The following PCNA variants were observed in gnomAD, a reference collection of about 807,000 sequenced individuals.
The protein encoded by PCNA is proliferating cell nuclear antigen.
In PCNA, 4 loss-of-function variants were observed where a neutral mutation model predicts 27.8. The ratio of observed to expected loss-of-function variants is 0.14; its 90% CI spans 0.07 to 0.33. The LOEUF (loss-of-function observed/expected upper bound fraction) is 0.33. Among genes scored for constraint, PCNA ranks in the 10% least tolerant of loss-of-function variants. The pLI, the probability that PCNA is intolerant of heterozygous loss-of-function variation, is 1.00. For synonymous variants in PCNA, 121 were observed against 119.4 expected (o/e 1.01, Z -0.09); for missense variants, 165 against 327.4 (o/e 0.50, Z 3.83).
At chr20:5,123,304 C>CT (rs1399663383), upstream of PCNA, among the ~76,000 whole-genome samples, 2 of 152,144 alleles carry the variant, frequency 1.3e-5, no homozygotes, top group African/African-American at 4.8e-5. Context: ...AGTGGCTACT[C>CT]TAACATCTAG....
At chr20:5,123,600 C>T (rs1380267489), upstream of PCNA, among the ~76,000 whole-genome samples, 5 of 151,050 alleles carry the variant, frequency 3.3e-5, no homozygotes, top group Admixed American at 2.0e-4. Context: ...GAGGCTGACG[C>T]AGGAGAATTG....
chr20:5,120,583 A>G (rs1257801341), upstream of PCNA, among the ~76,000 whole-genome samples: 3 of 151,946 alleles, frequency 2.0e-5, no homozygotes, highest in South Asian at 2.1e-4. Context: ...TTCCGTAAAC[A>G]CTTGGAAAAG....
intron 2 of PCNA, 36 bp from the exon 3 acceptor site, chr20:5,118,713 G>A: frequency 8.7e-6 from 14 of 1,607,240 alleles, no homozygotes; most frequent in Non-Finnish European, 1.2e-5. Flanking sequence ...GAGAAATACT[G>A]ACACAGAGTT....
Position 5,119,560 on chromosome 20 carries a change from C to A in PCNA, c.221+18G>T. ...TGCAGGCGGGCCGGGGCCGGCTTCCCGGGGCCGCGAGGCTCACCTGGTGAG... is the reference window on the plus strand; with the variant it reads ...TGCAGGCGGGCCGGGGCCGGCTTCCAGGGGCCGCGAGGCTCACCTGGTGAG... On this transcript the variant is annotated intron_variant, in intron 1 of 5. Coordinates refer to ENST00000379143, the MANE Select transcript of PCNA (RefSeq NM_182649.2). 1 of 1,600,364 alleles carries A rather than the reference C, an allele frequency of 6.2e-7. No homozygotes were observed. The highest frequency in any genetic ancestry group is 2.3e-5 in the East Asian group (1 of 44,294).
upstream of PCNA, among the ~76,000 whole-genome samples, chr20:5,123,247 G>T (rs573507485): frequency 6.6e-6 from 1 of 152,192 alleles, no homozygotes; most frequent in Non-Finnish European, 1.5e-5. Flanking sequence ...AAGTGCAAGG[G>T]AATGTGGTCA....
At position 5,115,181 on chromosome 20, in the gene PCNA, T is replaced by G; in HGVS notation, c.*102A>C. On this transcript the variant is annotated 3_prime_UTR_variant, in exon 6 of 6. Transcript: ENST00000379143. Reference sequence around the variant, plus strand: ...AGAAAACAATATCTACATATGTACTTAGAGGTACAAATTTGGTGACAGAAA... The same window carrying G: ...AGAAAACAATATCTACATATGTACTGAGAGGTACAAATTTGGTGACAGAAA... 1 of 766,456 alleles carries G rather than the reference T, an allele frequency of 1.3e-6. No homozygotes were observed. The highest frequency in any genetic ancestry group is 2.6e-5 in the East Asian group (1 of 38,984). The allele number at this position is 766,456 out of a possible 1,614,324, so 47.5% of individuals were successfully genotyped here. A position where few individuals can be genotyped will look rare whatever the true frequency, so the allele number is the denominator to read the frequency against.
rs73602867 is a variant in PCNA, at chr20:5,119,925, A to G, written c.-127T>C. On this transcript the variant is annotated 5_prime_UTR_variant, in exon 1 of 6. Coordinates refer to ENST00000379143, the MANE Select transcript of PCNA (RefSeq NM_182649.2). ...ACGACCGGCTGAGACCTAGAAAGACAACGACCACTCTGCTACGCCTGCAAC... is the reference window on the plus strand; with the variant it reads ...ACGACCGGCTGAGACCTAGAAAGACGACGACCACTCTGCTACGCCTGCAAC... 5 of 710,808 alleles carry G rather than the reference A, an allele frequency of 7.0e-6. No homozygotes were observed. Among genetic ancestry groups the G allele is most frequent in the South Asian group, 6.8e-5 (4 of 58,446 alleles). 44.0% of individuals were successfully genotyped at this position (710,808 alleles called of 1,614,324 possible).
chr20:5,121,002 T>A (rs2090514772), upstream of PCNA, among the ~76,000 whole-genome samples: 1 of 152,088 alleles, frequency 6.6e-6, no homozygotes, highest in Non-Finnish European at 1.5e-5. Context: ...TATTTTTTTT[T>A]AGTAGAGACG....
chr20:5,120,627 T>C (rs968497563), upstream of PCNA, among the ~76,000 whole-genome samples: 3 of 152,160 alleles, frequency 2.0e-5, no homozygotes, highest in African/African-American at 4.8e-5. Flanking sequence ...TTATGCCACG[T>C]ACATCTTTTA....
chr20:5,122,607 A>T (rs908107585), upstream of PCNA, among the ~76,000 whole-genome samples: 2 of 152,192 alleles, frequency 1.3e-5, no homozygotes, highest in African/African-American at 4.8e-5. Flanking sequence ...TCAATATCAA[A>T]ACATAATACA....
upstream of PCNA, chr20:5,121,408 T>TC (rs1242252979): frequency 8.1e-6 from 1 of 123,458 alleles, no homozygotes; most frequent in African/African-American, 3.1e-5. Flanking sequence ...TTTTTTTTTT[T>TC]CCTAGTTCAG....
chr20:5,118,555 A>G, intron 3 of PCNA, 55 bp downstream of exon 3: 3 of 1,238,068 alleles, frequency 2.4e-6, no homozygotes, highest in Non-Finnish European at 3.5e-6. Context: ...ACATTCTATG[A>G]CATAACTATC....
Position 5,118,785 on chromosome 20 carries a change from T to C in PCNA, c.303A>G (p.Leu101=), listed in dbSNP as rs1316146395. 3.1e-6 allele frequency: 5 copies of C among 1,613,486 alleles called. No homozygotes were observed. The highest frequency in any genetic ancestry group is 4.2e-6 in the Non-Finnish European group (5 of 1,179,440). ...ACGACTTACTTGGTGCTTCAAATAC[T>C]AGCGCCAAGGTATCCGCGTTATCTT... ...RAEDNADTLA[L]VFEAPNQEKV... The change falls in exon 2 of 6, where the codon CTA becomes CTG. Residue 101 remains leucine, a synonymous_variant. Coordinates refer to ENST00000379143, the MANE Select transcript of PCNA (RefSeq NM_182649.2).
At chr20:5,119,526 C>T in intron 1 of PCNA, 52 bp downstream of exon 1, 7 of 1,466,472 alleles carry the variant, frequency 4.8e-6, no homozygotes, top group Non-Finnish European at 6.6e-6. Context: ...TCCCGCCAAG[C>T]ACCGGAGGTG....
upstream of PCNA, among the ~76,000 whole-genome samples, chr20:5,124,706 A>T (rs934878948): frequency 6.6e-6 from 1 of 152,170 alleles, no homozygotes; most frequent in African/African-American, 2.4e-5. Context: ...AAGCTGGCCT[A>T]AAGCCCTATT....
chr20:5,117,522 T>C lies in PCNA; in HGVS notation c.530A>G (p.Asn177Ser). ...TGTCTGTGACAATTTAATGTTTCCA[T>C]TTCCAAGTTCTCCACTTGCAGAAAA... is the stretch of plus-strand genomic sequence containing the variant. Reference protein sequence around the residue: ...VKFSASGELGNGNIKLSQTSN... With the variant: ...VKFSASGELGSGNIKLSQTSN... Residue 177 changes from asparagine to serine, a missense_variant, in exon 4 of 6, where the codon AAT becomes AGT. Asn to Ser is a conservative substitution (Grantham distance 46). Coordinates refer to ENST00000379143, the MANE Select transcript of PCNA (RefSeq NM_182649.2). 6.2e-7 allele frequency: 1 copy of C among 1,614,072 alleles called. No homozygotes were observed. Among genetic ancestry groups the C allele is most frequent in the Non-Finnish European group, 8.5e-7 (1 of 1,179,950 alleles).
In PCNA at chr20:5,118,866, A is replaced by G; in HGVS notation, c.222T>C (p.Ser74=). The G allele has an allele frequency of 6.3e-7, 1 of 1,598,550 alleles. No homozygotes were observed. The highest frequency in any genetic ancestry group is 8.6e-7 in the Non-Finnish European group (1 of 1,166,534). ...RNLAMGVNLT[S]MSKILKCAGN... ...CGGCGCATTTTAGTATTTTGGACAT[A>G]CTAGAAGACAGGAGACACATGCTTT... Residue 74 remains serine, a splice_region_variant and synonymous_variant, in exon 2 of 6, where the codon AGT becomes AGC. Transcript: ENST00000379143.
rs372779725 is a variant in PCNA at position 5,118,758 on chromosome 20, G to C, written c.319+11C>G. The stretch of plus-strand genomic sequence containing the variant: ...TGTAGCTTCGTGACTCGGTAAAAAG[G>C]TACGACTTACTTGGTGCTTCAAATA... On this transcript the variant is annotated intron_variant, in intron 2 of 5. Coordinates refer to ENST00000379143, the MANE Select transcript of PCNA (RefSeq NM_182649.2). 1 of 1,611,748 alleles carries C rather than the reference G, an allele frequency of 6.2e-7. No homozygotes were observed. Among genetic ancestry groups the C allele is most frequent in the Non-Finnish European group, 8.5e-7 (1 of 1,177,772 alleles).
chr20:5,119,778 G>C lies in PCNA; in HGVS notation c.21C>G (p.Val7=). Residue 7 remains valine (V), a synonymous_variant, in exon 1 of 6, where the codon GTC becomes GTG. Transcript: ENST00000379143. ...ACACCTTCTTGAGGATGGAGCCCTGGACCAGGCGCGCCTCGAACATGGTGG... is the reference window on the plus strand; with the variant it reads ...ACACCTTCTTGAGGATGGAGCCCTGCACCAGGCGCGCCTCGAACATGGTGG... MFEARL[V]QGSILKKVLE... 1.9e-6 allele frequency: 3 copies of C among 1,572,526 alleles called. No homozygotes were observed. The highest frequency in any genetic ancestry group is 2.6e-6 in the Non-Finnish European group (3 of 1,158,968).
Sources: allele counts gnomAD v4.1 joint callset (sites outside exome capture counted in the v4.1 genomes callset), GRCh38; gene constraint gnomAD v4.1.1; transcripts MANE v1.5; gene names NCBI Gene and HGNC (gene_info 2026-07-23, HGNC 2026-07-21).